Variants in NUMB observed in about 807,000 individuals in gnomAD.
NUMB encodes the protein NUMB endocytic adaptor protein.
A neutral mutation model predicts 59.7 loss-of-function variants in NUMB; 29 were observed. The ratio of observed to expected loss-of-function variants is 0.49; its 90% CI spans 0.36 to 0.66. NUMB has a LOEUF of 0.66. NUMB is among the 30% of genes least tolerant of loss of function. The pLI, the probability that NUMB is intolerant of heterozygous loss-of-function variation, is 0.00. For synonymous variants in NUMB, 288 were observed against 288.2 expected (o/e 1.00, Z 0.01); for missense variants, 723 against 822.0 (o/e 0.88, Z 1.47).
At chr14:73,369,105 G>A (rs1388897748) in intron 2 of NUMB, among the ~76,000 whole-genome samples, 1 of 149,998 alleles carries the variant, frequency 6.7e-6, no homozygotes, top group African/African-American at 2.5e-5. Context: ...GCAATGGCAC[G>A]ATCTCAGCTC....
intron 11 of NUMB, among the ~76,000 whole-genome samples, chr14:73,280,667 T>C (rs923804682): frequency 2.7e-5 from 4 of 150,128 alleles, no homozygotes; most frequent in African/African-American, 9.8e-5. Flanking sequence ...TGGACAGCCA[T>C]GCCTATGGTG....
chr14:73,335,255 A>C lies in NUMB; in HGVS notation c.127-12051T>G, dbSNP rs74064607. ...TGGGCATCATTCTATCACTTAGCTTAATCAGTTCAATTGGTCACATATAGC... is the reference window on the plus strand; with the variant it reads ...TGGGCATCATTCTATCACTTAGCTTCATCAGTTCAATTGGTCACATATAGC... On this transcript the variant is annotated intron_variant, in intron 4 of 12. Transcript: ENST00000555238. Among the ~76,000 whole-genome samples the C allele has an allele frequency of 6.4e-3, 939 of 146,568 alleles. 7 individuals are homozygous for C. The highest frequency in any genetic ancestry group is 0.022 in the African/African-American group (878 of 39,702).
chr14:73,354,827 C>CAGAAAAAAAA (rs1893690810), intron 4 of NUMB, among the ~76,000 whole-genome samples: 1 of 82,308 alleles, frequency 1.2e-5, no homozygotes, highest in South Asian at 4.2e-4. Context: ...GACTGTGCCT[C>CAGAAAAAAAA]AAAAAAAAAA....
intron 6 of NUMB, among the ~76,000 whole-genome samples, chr14:73,305,579 G>A (rs1187277747): frequency 2.6e-5 from 4 of 152,158 alleles, no homozygotes; most frequent in Non-Finnish European, 1.5e-5. Flanking sequence ...AGAGCAAAAG[G>A]GTTAAGCAGA....
At chr14:73,444,706 A>C (rs755823539) in intron 1 of NUMB, among the ~76,000 whole-genome samples, 54 of 151,896 alleles carry the variant, frequency 3.6e-4, no homozygotes, top group Non-Finnish European at 6.9e-4. Flanking sequence ...AAAATACAAA[A>C]ATTAGCCAGG....
chr14:73,353,072 G>GTTTTTCT (rs71450219), intron 4 of NUMB, among the ~76,000 whole-genome samples: 5,798 of 58,122 alleles, frequency 0.1, 1,427 homozygotes, highest in Non-Finnish European at 0.15. Context: ...AGTTTTTCTT[G>GTTTTTCT]TTTTTTTTTT....
intron 2 of NUMB, among the ~76,000 whole-genome samples, chr14:73,404,459 G>A (rs115230356): frequency 4.6e-5 from 7 of 152,026 alleles, no homozygotes; most frequent in African/African-American, 1.2e-4. Flanking sequence ...CAAGTATTTA[G>A]AGGTAAATTA....
At position 73,433,120 on chromosome 14, in the gene NUMB, T is replaced by C. The variant is rs1897902859; in HGVS notation, c.-232-23052A>G. 3.3e-5 allele frequency among the ~76,000 whole-genome samples: 5 copies of C among 151,424 alleles called. No homozygotes were observed. The South Asian group carries it at 1.0e-3, about 31-fold the overall frequency. ...TACTCGGGAGGCTGAGACAGGAGAA[T>C]TGCTTGAACCTGGGAGGCAGAGGTT... On this transcript the variant is annotated intron_variant, in intron 1 of 12. Coordinates refer to ENST00000555238, the MANE Select transcript of NUMB (RefSeq NM_001005743.2).
At position 73,297,379 on chromosome 14, in the gene NUMB, A is replaced by C; in HGVS notation, c.235-94T>G. 4 of 820,522 alleles carry C rather than the reference A, an allele frequency of 4.9e-6. No homozygotes were observed. The Middle Eastern group carries it at 7.2e-4, about 149-fold the overall frequency. 50.8% of individuals were successfully genotyped at this position (820,522 alleles called of 1,614,324 possible). ...ACAGAAAACACTGACTCTGCCTTCC[A>C]AAAGTCACAAGTACAGATGGAGTCC... On this transcript the variant is annotated intron_variant, in intron 6 of 12. Coordinates refer to ENST00000555238, the MANE Select transcript of NUMB (RefSeq NM_001005743.2).
chr14:73,446,842 C>G (rs892045100), intron 1 of NUMB, among the ~76,000 whole-genome samples: 8 of 151,592 alleles, frequency 5.3e-5, no homozygotes, highest in Admixed American at 5.3e-4. Context: ...AGTTGGAGAA[C>G]AGCCTGGGCA....
intron 5 of NUMB, among the ~76,000 whole-genome samples, chr14:73,320,115 G>A (rs1210442239): frequency 3.3e-5 from 5 of 151,004 alleles, no homozygotes; most frequent in African/African-American, 4.8e-5. Context: ...CTGGGTGACA[G>A]AGCAAGACTC....
chr14:73,377,871 G>A (rs939622145), intron 2 of NUMB, among the ~76,000 whole-genome samples: 1 of 152,098 alleles, frequency 6.6e-6, no homozygotes, highest in African/African-American at 2.4e-5. Flanking sequence ...GGAAGCTGTG[G>A]CAGGAGATTT....
chr14:73,415,121 T>C (rs948136642), intron 1 of NUMB, among the ~76,000 whole-genome samples: 8 of 152,236 alleles, frequency 5.3e-5, no homozygotes, highest in Non-Finnish European at 8.8e-5. Context: ...ATTTGCAAAA[T>C]GCTATTTTTA....
At position 73,277,199 on chromosome 14, in the gene NUMB, T is replaced by G. The variant is rs759004041; in HGVS notation, c.1335A>C (p.Glu445Asp). The G allele has an allele frequency of 1.1e-5, 17 of 1,613,976 alleles. No individual in the cohort carries two copies. The highest frequency in any genetic ancestry group is 1.1e-5 in the Non-Finnish European group (13 of 1,180,030). ...GAGCCCGGACGCTCTTAGACACCTC[T>G]TCTAACCATCGGTCGGCCTCAGAGG... is the stretch of plus-strand genomic sequence containing the variant. Reference protein sequence around the residue: ...RTPSEADRWLEEVSKSVRAQQ... With the variant: ...RTPSEADRWLDEVSKSVRAQQ... The change falls in exon 13 of 13, where the codon GAA (glutamate) becomes GAC (aspartate). Residue 445 changes from glutamate to aspartate, a missense_variant. Transcript: ENST00000555238.
chr14:73,286,885 C>T (rs1329312248), intron 9 of NUMB: 3 of 544,392 alleles, frequency 5.5e-6, no homozygotes, highest in Non-Finnish European at 9.9e-6. Flanking sequence ...TTCAACTGCA[C>T]TCTGATTCCT....
rs1339153584 is a variant in NUMB at position 73,282,362 on chromosome 14, G to A, written c.1093C>T (p.Gln365Ter). Residue 365 changes from glutamine to a stop codon, truncating the protein, a stop_gained, in exon 11 of 13, where the codon CAA becomes TAA. Coordinates refer to ENST00000555238, the MANE Select transcript of NUMB (RefSeq NM_001005743.2). LOFTEE classifies it high-confidence loss of function. Reference protein sequence around the residue: ...TVVAPQSPTFQANGTDSAFHV... With the variant: ...TVVAPQSPTF ...GAGCAGGTCAGAGGGCACCAACCTT[G>A]GAAGGTAGGAGATTGTGGTGCCACC... 3 of 1,613,950 alleles carry A rather than the reference G, an allele frequency of 1.9e-6. No homozygotes were observed.
intron 1 of NUMB, chr14:73,457,759 T>C (rs1057238160): frequency 2.0e-5 from 3 of 152,484 alleles, no homozygotes; most frequent in Non-Finnish European, 4.4e-5. Flanking sequence ...GAGCTCCGGT[T>C]CTTCCCCCAG....
chr14:73,371,433 G>C (rs1894665933), intron 2 of NUMB, among the ~76,000 whole-genome samples: 1 of 151,976 alleles, frequency 6.6e-6, no homozygotes, highest in African/African-American at 2.4e-5. Flanking sequence ...TACTCAGGAG[G>C]CTGAGGCAGA....
intron 6 of NUMB, among the ~76,000 whole-genome samples, chr14:73,301,285 C>A (rs1890114935): frequency 6.6e-6 from 1 of 152,188 alleles, no homozygotes. Flanking sequence ...ATAATTGTAG[C>A]CTGCAGTGTT....
Sources: gnomAD v4.1 joint callset for allele counts (sites outside exome capture counted in the v4.1 genomes callset) on GRCh38, gnomAD v4.1.1 for gene constraint, MANE v1.5 for transcripts, NCBI Gene and HGNC (gene_info 2026-07-23, HGNC 2026-07-21) for gene names.